Variants in MAGI2 observed in about 807,000 individuals in gnomAD.
MAGI2 encodes membrane associated guanylate kinase, WW and PDZ domain containing 2.
In MAGI2, 35 loss-of-function variants were observed where a neutral mutation model predicts 133.3. That is an observed-to-expected ratio of 0.26 (90% confidence interval 0.20 to 0.35). The LOEUF (loss-of-function observed/expected upper bound fraction) is 0.35, where lower values mean the gene tolerates loss of function less well. Among genes scored for constraint, MAGI2 ranks in the 10% least tolerant of loss-of-function variants. MAGI2 has a pLI of 1.00. For missense variants in MAGI2, 1,636 were observed against 1,863.4 expected, an observed-to-expected ratio of 0.88 and a Z score of 2.25; for synonymous variants, 729 against 710.6, an observed-to-expected ratio of 1.03 and a Z score of -0.41.
intron 3 of MAGI2, among the ~76,000 whole-genome samples, chr7:78,579,716 T>C (rs1802642086): frequency 6.6e-6 from 1 of 152,200 alleles, no homozygotes; most frequent in African/African-American, 2.4e-5. Flanking sequence ...TATAAGCCAC[T>C]TCTAGGAGAA....
At chr7:78,320,096 A>G (rs1787846682) in intron 9 of MAGI2, among the ~76,000 whole-genome samples, 1 of 152,206 alleles carries the variant, frequency 6.6e-6, no homozygotes, top group Non-Finnish European at 1.5e-5. Flanking sequence ...ATCCTTGAAT[A>G]GATCAATAAC....
chr7:78,552,171 T>C (rs1490233139), intron 3 of MAGI2, among the ~76,000 whole-genome samples: 1 of 149,228 alleles, frequency 6.7e-6, no homozygotes, highest in Admixed American at 6.8e-5. Flanking sequence ...TAGACATTTG[T>C]TTTCCTTTTT....
intron 6 of MAGI2, among the ~76,000 whole-genome samples, chr7:78,480,914 A>G (rs767279955): frequency 1.1e-4 from 17 of 152,046 alleles, no homozygotes; most frequent in Non-Finnish European, 2.4e-4. Flanking sequence ...AAAGAACTCA[A>G]AGAAGGCTTA....
intron 21 of MAGI2, among the ~76,000 whole-genome samples, chr7:78,053,019 A>T (rs1428272821): frequency 6.6e-6 from 1 of 152,244 alleles, no homozygotes. Context: ...AAGTAGTCGA[A>T]ATATTGTCAA....
rs560361982 is a variant in MAGI2 at position 79,180,180 on chromosome 7, C to T, written c.302-172974G>A. On this transcript the variant is annotated intron_variant, in intron 1 of 21. Coordinates refer to ENST00000354212, the MANE Select transcript of MAGI2 (RefSeq NM_012301.4). Reference sequence around the variant, plus strand: ...ATGAAGAACACACAACATCATTAATCATCGGGGAAATGCAAATCAAAACTG... The same window carrying T: ...ATGAAGAACACACAACATCATTAATTATCGGGGAAATGCAAATCAAAACTG... Among the ~76,000 whole-genome samples the T allele has an allele frequency of 7.9e-4, 120 of 152,068 alleles. 1 individual carries two copies. The highest frequency in any genetic ancestry group is 2.8e-3 in the African/African-American group (116 of 41,428).
At chr7:78,977,121 G>A (rs577949603) in intron 2 of MAGI2, among the ~76,000 whole-genome samples, 3 of 151,666 alleles carry the variant, frequency 2.0e-5, no homozygotes, top group South Asian at 4.2e-4. Context: ...GGCAAAAGAC[G>A]TATAATAGCC....
At chr7:78,131,658 A>C (rs1019392622) in intron 18 of MAGI2, among the ~76,000 whole-genome samples, 2 of 152,152 alleles carry the variant, frequency 1.3e-5, no homozygotes, top group African/African-American at 4.8e-5. Flanking sequence ...ACATGTCTTC[A>C]TCTTTCTCTT....
chr7:78,342,649 G>A (rs1056280212), intron 9 of MAGI2, among the ~76,000 whole-genome samples: 6 of 152,174 alleles, frequency 3.9e-5, no homozygotes, highest in African/African-American at 1.4e-4. Context: ...ATGTGTTCCT[G>A]TCCTTTGCAG....
At chr7:79,079,529 G>T (rs897140031) in intron 1 of MAGI2, among the ~76,000 whole-genome samples, 4 of 152,162 alleles carry the variant, frequency 2.6e-5, no homozygotes, top group African/African-American at 9.6e-5. Flanking sequence ...GACAAAAGAA[G>T]ATAGTGCTTT....
chr7:78,587,590 T>TTA (rs1384309546), intron 3 of MAGI2, among the ~76,000 whole-genome samples: 2 of 152,340 alleles, frequency 1.3e-5, no homozygotes, highest in East Asian at 3.9e-4. Context: ...TTTAATCACT[T>TTA]TATACAGTCC....
At chr7:78,095,473 A>G (rs1005888246) in intron 20 of MAGI2, among the ~76,000 whole-genome samples, 1 of 152,096 alleles carries the variant, frequency 6.6e-6, no homozygotes, top group African/African-American at 2.4e-5. Context: ...CTTCTCTAGA[A>G]CTACCTCTCT....
At chr7:78,921,978 T>C (rs1180591042) in intron 2 of MAGI2, among the ~76,000 whole-genome samples, 2 of 152,030 alleles carry the variant, frequency 1.3e-5, no homozygotes, top group East Asian at 3.9e-4. Context: ...GCCATCACCT[T>C]TAACTACATG....
intron 1 of MAGI2, among the ~76,000 whole-genome samples, chr7:79,388,214 C>A (rs971743563): frequency 6.6e-6 from 1 of 151,890 alleles, no homozygotes; most frequent in African/African-American, 2.4e-5. Context: ...AAAAGGCATG[C>A]TAAAACATGC....
intron 1 of MAGI2, among the ~76,000 whole-genome samples, chr7:79,306,312 T>A (rs936330929): frequency 7.6e-4 from 107 of 141,644 alleles, no homozygotes; most frequent in Non-Finnish European, 1.3e-3. Flanking sequence ...CATATATATT[T>A]TATATATATG....
Position 78,466,528 on chromosome 7 carries a change from T to C in MAGI2, c.1045+23233A>G, listed in dbSNP as rs188952349. Among the ~76,000 whole-genome samples the C allele has an allele frequency of 4.6e-5, 7 of 152,342 alleles. No homozygotes were observed. In the East Asian group the frequency reaches 7.7e-4, roughly 17 times the overall value. ...AATATATCAGAGATAAATTGTTTTA[T>C]AAATAACTAAAATAGGTGGTGGCTG... is the stretch of plus-strand genomic sequence containing the variant. On this transcript the variant is annotated intron_variant, in intron 6 of 21. Coordinates refer to ENST00000354212, the MANE Select transcript of MAGI2 (RefSeq NM_012301.4).
chr7:78,323,654 C>T (rs1318714567), intron 9 of MAGI2, among the ~76,000 whole-genome samples: 1 of 152,088 alleles, frequency 6.6e-6, no homozygotes, highest in African/African-American at 2.4e-5. Flanking sequence ...TTTGTTCCCC[C>T]CGGCCCCATA....
chr7:79,058,477 A>T (rs1341027576), intron 1 of MAGI2, among the ~76,000 whole-genome samples: 1 of 152,170 alleles, frequency 6.6e-6, no homozygotes, highest in Non-Finnish European at 1.5e-5. Flanking sequence ...CAGTTGAGAA[A>T]GCATCAAAGG....
chr7:78,533,858 G>A (rs967459718), intron 3 of MAGI2, among the ~76,000 whole-genome samples: 23 of 152,064 alleles, frequency 1.5e-4, no homozygotes, highest in Admixed American at 1.5e-3. Context: ...AGGTGAGAAG[G>A]AGTCAACCCA....
rs1032737167 is a variant in MAGI2, at chr7:78,487,406, A to G, written c.1045+2355T>C. 4 of 155,818 alleles carry G rather than the reference A, an allele frequency of 2.6e-5. No homozygotes were observed. In the East Asian group the frequency reaches 5.7e-4, roughly 22 times the overall value. The allele number at this position is 155,818 out of a possible 1,614,324, so 9.7% of individuals were successfully genotyped here. On this transcript the variant is annotated intron_variant, in intron 6 of 21. Coordinates refer to ENST00000354212, the MANE Select transcript of MAGI2 (RefSeq NM_012301.4). ...AACCTGCTTCCTCTGCTTAAAAGAA[A>G]AAGAAAAAGAAAGTATACAACACTC...
Sources: gnomAD v4.1 joint callset for allele counts (sites outside exome capture counted in the v4.1 genomes callset) on GRCh38, gnomAD v4.1.1 for gene constraint, MANE v1.5 for transcripts, NCBI Gene and HGNC (gene_info 2026-07-23, HGNC 2026-07-21) for gene names.